NYAP2: variants seen among roughly 807,000 people sequenced by gnomAD.
The protein encoded by NYAP2 is neuronal tyrosine-phosphorylated phosphoinositide-3-kinase adapter 2.
A neutral mutation model predicts 50.4 loss-of-function variants in NYAP2; 23 were observed. That is an observed-to-expected ratio of 0.46 (90% CI 0.33 to 0.65). NYAP2 has a LOEUF of 0.65. Among genes scored for constraint, NYAP2 ranks in the 30% least tolerant of loss-of-function variants. The probability of loss-of-function intolerance (pLI) is 0.02; values close to 1 mark genes in which losing one functional copy is unlikely to be tolerated. For synonymous variants in NYAP2, 394 were observed against 365.2 expected (o/e 1.08, Z -0.90); for missense variants, 885 against 861.0 (o/e 1.03, Z -0.35).
intron 5 of NYAP2, among the ~76,000 whole-genome samples, chr2:225,593,585 G>A (rs1047160882): frequency 2.6e-5 from 4 of 152,164 alleles, no homozygotes; most frequent in Non-Finnish European, 1.5e-5. Context: ...ATTTTTGAAT[G>A]ATGTAAGACT....
chr2:225,561,855 C>T (rs1691881892), intron 4 of NYAP2, among the ~76,000 whole-genome samples: 2 of 151,796 alleles, frequency 1.3e-5, no homozygotes, highest in African/African-American at 4.8e-5. Flanking sequence ...AAATCATGTG[C>T]TCATCTGGAT....
chr2:225,435,857 A>C (rs542754579), intron 3 of NYAP2, among the ~76,000 whole-genome samples: 14 of 152,338 alleles, frequency 9.2e-5, no homozygotes, highest in African/African-American at 3.4e-4. Context: ...CTGGAAACAG[A>C]CAAATCTGGA....
intron 4 of NYAP2, among the ~76,000 whole-genome samples, chr2:225,522,167 T>G (rs1257621223): frequency 6.6e-6 from 1 of 152,170 alleles, no homozygotes; most frequent in African/African-American, 2.4e-5. Context: ...TTCTCTCTTT[T>G]CTTCTTTATT....
At chr2:225,587,436 C>A (rs1414150681) in intron 5 of NYAP2, among the ~76,000 whole-genome samples, 1 of 152,064 alleles carries the variant, frequency 6.6e-6, no homozygotes, top group Non-Finnish European at 1.5e-5. Context: ...AAAAGACATG[C>A]ACGCCCGGGG....
At chr2:225,458,537 AAAAGG>A (rs1392505110) in intron 3 of NYAP2, among the ~76,000 whole-genome samples, 1 of 152,238 alleles carries the variant, frequency 6.6e-6, no homozygotes, top group Non-Finnish European at 1.5e-5. Context: ...ATTGCCAAAC[AAAAGG>A]AATGCTGCTT....
At chr2:225,465,746 T>G (rs1689906644) in intron 3 of NYAP2, among the ~76,000 whole-genome samples, 1 of 151,522 alleles carries the variant, frequency 6.6e-6, no homozygotes, top group South Asian at 2.1e-4. Flanking sequence ...AAAAACACTC[T>G]CTGTGTCCTT....
chr2:225,555,840 G>A (rs989646627), intron 4 of NYAP2, among the ~76,000 whole-genome samples: 7 of 152,138 alleles, frequency 4.6e-5, no homozygotes, highest in East Asian at 1.9e-4. Context: ...ATTGGTTGGG[G>A]ATGCTCCTCT....
intron 4 of NYAP2, among the ~76,000 whole-genome samples, chr2:225,549,010 A>G (rs949090235): frequency 6.6e-6 from 1 of 151,976 alleles, no homozygotes; most frequent in African/African-American, 2.4e-5. Context: ...CTCCCCAAGT[A>G]GCTGGGACTA....
At chr2:225,565,840 G>A (rs535529661) in intron 4 of NYAP2, among the ~76,000 whole-genome samples, 1 of 152,218 alleles carries the variant, frequency 6.6e-6, no homozygotes, top group South Asian at 2.1e-4. Flanking sequence ...CTACTAAATT[G>A]GGATTCAAAT....
At chr2:225,626,671 A>G (rs745758359) in intron 5 of NYAP2, among the ~76,000 whole-genome samples, 5 of 152,192 alleles carry the variant, frequency 3.3e-5, no homozygotes, top group African/African-American at 1.2e-4. Flanking sequence ...AAGAGTTACT[A>G]AAGATTCGTC....
At chr2:225,702,416 G>A in the NYAP2 span, 1 of 151,622 alleles carries the variant, frequency 6.6e-6, no homozygotes, top group Admixed American at 6.6e-5. Context: ...CATCCTTCAA[G>A]GAGCTTAATT....
intron 3 of NYAP2, among the ~76,000 whole-genome samples, chr2:225,471,995 G>T (rs969772461): frequency 5.9e-5 from 9 of 152,106 alleles, no homozygotes; most frequent in African/African-American, 2.2e-4. Context: ...CCTGAACTGG[G>T]TATGTATTAC....
At chr2:225,500,657 T>C (rs1336079775) in intron 3 of NYAP2, among the ~76,000 whole-genome samples, 3 of 152,198 alleles carry the variant, frequency 2.0e-5, no homozygotes, top group African/African-American at 7.2e-5. Context: ...AAGCACATAT[T>C]ACAAATGTTT....
exon 7 of NYAP2, chr2:225,651,617 C>A (rs1693734163): frequency 6.3e-7 from 1 of 1,598,754 alleles, no homozygotes. Flanking sequence ...TGTCCTGTTG[C>A]TGTAGACAAC....
chr2:225,675,374 C>T, the NYAP2 span, among the ~76,000 whole-genome samples: 4 of 152,054 alleles, frequency 2.6e-5, no homozygotes, highest in Non-Finnish European at 5.9e-5. Context: ...TTAGCTCCGA[C>T]TTATAAGTGA....
In NYAP2 at chr2:225,454,416, T is replaced by TTCTA. The variant is rs1183757009; in HGVS notation, c.221+45315_221+45316insTCTA. Among the ~76,000 whole-genome samples, 13 of 152,330 alleles carry TTCTA rather than the reference T, an allele frequency of 8.5e-5. No individual in the cohort carries two copies. In the East Asian group the frequency reaches 2.3e-3, roughly 27 times the overall value. ...AATAAATCTCAATAGAATTTTTTAA[T>TTCTA]ACAATTATAGACTTAGTCTAGTGTC... On this transcript the variant is annotated intron_variant, in intron 3 of 6. Coordinates refer to ENST00000636099, the Ensembl canonical transcript of NYAP2.
At chr2:225,589,516 AATATATATATAT>A (rs71062993) in intron 5 of NYAP2, among the ~76,000 whole-genome samples, 48 of 71,342 alleles carry the variant, frequency 6.7e-4, no homozygotes, top group South Asian at 5.4e-3. Context: ...CTAAAAGTAA[AATATATATATAT>A]ATATATATAT....
chr2:225,552,125 T>G lies in NYAP2; in HGVS notation c.524-29816T>G, dbSNP rs1029567756. On this transcript the variant is annotated intron_variant, in intron 4 of 6. Transcript: ENST00000636099. ...ACTGCACCTGGCACTTCTTTCTTTT[T>G]GATTCATTGTTCTTATTATTTTGCC... Among the ~76,000 whole-genome samples, 4 of 152,266 alleles carry G rather than the reference T, an allele frequency of 2.6e-5. No individual in the cohort carries two copies. The East Asian group carries it at 7.7e-4, about 29-fold the overall frequency.
At chr2:225,580,767 A>T (rs1484158465) in intron 4 of NYAP2, among the ~76,000 whole-genome samples, 1 of 141,970 alleles carries the variant, frequency 7.0e-6, no homozygotes, top group Non-Finnish European at 1.6e-5. Flanking sequence ...TAGGCCAGTT[A>T]AAAAAAAAAA....
Sources: allele counts gnomAD v4.1 joint callset (sites outside exome capture counted in the v4.1 genomes callset), GRCh38; gene constraint gnomAD v4.1.1; transcripts MANE v1.5; gene names NCBI Gene and HGNC (gene_info 2026-07-23, HGNC 2026-07-21).